Variants in NELL1 observed in about 807,000 individuals in gnomAD.
The protein encoded by NELL1 is neural EGFL like 1.
NELL1 carries 76 observed loss-of-function variants against 107.4 expected under a neutral mutation model. The observed-to-expected ratio is 0.71, with a 90% CI of 0.59 to 0.86. The LOEUF is 0.86. NELL1 is among the 40% of genes least tolerant of loss of function. The pLI is 0.00. For missense variants in NELL1, 1,024 were observed against 1,005.5 expected (o/e 1.02, Z -0.25); for synonymous variants, 353 against 341.2 (o/e 1.03, Z -0.38).
intron 12 of NELL1, among the ~76,000 whole-genome samples, chr11:21,091,758 G>T (rs1370322566): frequency 1.3e-5 from 2 of 152,082 alleles, no homozygotes; most frequent in African/African-American, 4.8e-5. Flanking sequence ...GACATCCCCT[G>T]TGTTTAAAAA....
At chr11:20,918,086 A>T in intron 5 of NELL1, 96 bp from the exon 6 acceptor site, 1 of 764,738 alleles carries the variant, frequency 1.3e-6, no homozygotes, top group Non-Finnish European at 2.3e-6. Context: ...ATTTTGTTGA[A>T]AAATAATCTG....
At chr11:21,556,938 G>C (rs1327707632) in intron 16 of NELL1, among the ~76,000 whole-genome samples, 3 of 151,800 alleles carry the variant, frequency 2.0e-5, no homozygotes, top group African/African-American at 7.3e-5. Context: ...TTTGTCATTG[G>C]GAGGCCTGTC....
chr11:21,494,042 T>A lies in NELL1; in HGVS notation c.1646-40332T>A, dbSNP rs995556800. Among the ~76,000 whole-genome samples the A allele has an allele frequency of 3.3e-5, 5 of 152,080 alleles. No individual in the cohort carries two copies. In the South Asian group the frequency reaches 1.0e-3, roughly 32 times the overall value. ...TTTTCATAACCAGTGTTTCTGTAGC[T>A]AAGCAATATATTTTCAGGTGTGTGA... is the stretch of plus-strand genomic sequence containing the variant. On this transcript the variant is annotated intron_variant, in intron 15 of 19. Coordinates refer to ENST00000357134, the MANE Select transcript of NELL1 (RefSeq NM_006157.5).
intron 3 of NELL1, among the ~76,000 whole-genome samples, chr11:20,819,718 A>T (rs1857708030): frequency 1.3e-5 from 2 of 152,236 alleles, no homozygotes; most frequent in South Asian, 4.1e-4. Flanking sequence ...TGGGTGGGTT[A>T]TATCTGGTTG....
chr11:20,930,657 A>G (rs927003222), intron 9 of NELL1, among the ~76,000 whole-genome samples: 2 of 152,316 alleles, frequency 1.3e-5, no homozygotes, highest in East Asian at 1.9e-4. Context: ...CTGGATACAT[A>G]CAGTTAAATT....
chr11:21,428,473 T>G (rs1852887449), intron 15 of NELL1, among the ~76,000 whole-genome samples: 1 of 152,226 alleles, frequency 6.6e-6, no homozygotes, highest in African/African-American at 2.4e-5. Context: ...TGGATTTGGT[T>G]ATTGACTGAT....
At chr11:21,060,708 C>T (rs9666310) in intron 12 of NELL1, among the ~76,000 whole-genome samples, 39,532 of 152,014 alleles carry the variant, frequency 0.26, 5,388 homozygotes, top group South Asian at 0.4. Flanking sequence ...TTTTTGATTT[C>T]GTTTTTGTTT....
intron 15 of NELL1, among the ~76,000 whole-genome samples, chr11:21,512,507 T>C (rs1855461625): frequency 6.6e-6 from 1 of 152,148 alleles, no homozygotes; most frequent in African/African-American, 2.4e-5. Context: ...TATATTGTAA[T>C]TATATATGTG....
At chr11:20,844,604 C>T (rs893402646) in intron 3 of NELL1, among the ~76,000 whole-genome samples, 1 of 152,142 alleles carries the variant, frequency 6.6e-6, no homozygotes, top group Non-Finnish European at 1.5e-5. Flanking sequence ...CCAGTGTCCT[C>T]CTTCTACCTG....
At chr11:21,002,989 A>G (rs1590526302) in intron 12 of NELL1, among the ~76,000 whole-genome samples, 2 of 147,670 alleles carry the variant, frequency 1.4e-5, no homozygotes, top group South Asian at 2.1e-4. Flanking sequence ...TAGAATTAAT[A>G]TTAAATTAAT....
intron 14 of NELL1, among the ~76,000 whole-genome samples, chr11:21,330,727 A>T (rs1850255556): frequency 6.6e-6 from 1 of 151,832 alleles, no homozygotes; most frequent in Non-Finnish European, 1.5e-5. Flanking sequence ...CTTACTTGGA[A>T]TTTTTTTGAG....
Position 21,207,865 on chromosome 11 carries a change from A to C in NELL1, c.1427-21467A>C, listed in dbSNP as rs146715073. Among the ~76,000 whole-genome samples the C allele has an allele frequency of 8.0e-3, 1,219 of 152,298 alleles. 15 individuals carry two copies. Among genetic ancestry groups the C allele is most frequent in the African/African-American group, 0.028 (1,144 of 41,560 alleles). ...AGCTTTGTCTTTTCCATTCAGTCTT[A>C]GATACATCTGGAATCCATTTTCTTT... On this transcript the variant is annotated intron_variant, in intron 13 of 19. Transcript: ENST00000357134.
chr11:21,050,362 A>C (rs930293839), intron 12 of NELL1, among the ~76,000 whole-genome samples: 2 of 152,006 alleles, frequency 1.3e-5, no homozygotes, highest in African/African-American at 4.8e-5. Flanking sequence ...AATAGAGATT[A>C]CTTAAAACTC....
chr11:20,967,415 A>G (rs796726067), intron 12 of NELL1, among the ~76,000 whole-genome samples: 43 of 152,258 alleles, frequency 2.8e-4, no homozygotes, highest in African/African-American at 9.9e-4. Flanking sequence ...TAGCACCACG[A>G]TCTTCATGTA....
At chr11:21,079,185 T>C (rs904137321) in intron 12 of NELL1, among the ~76,000 whole-genome samples, 1 of 152,008 alleles carries the variant, frequency 6.6e-6, no homozygotes, top group Non-Finnish European at 1.5e-5. Flanking sequence ...TTAATATTGA[T>C]GAAAGGTAAA....
intron 15 of NELL1, among the ~76,000 whole-genome samples, chr11:21,519,355 A>G (rs1855655536): frequency 6.6e-6 from 1 of 152,134 alleles, no homozygotes; most frequent in Non-Finnish European, 1.5e-5. Context: ...TACCCCCAGA[A>G]TTTCTAATTT....
chr11:21,429,855 G>A (rs1206407904), intron 15 of NELL1, among the ~76,000 whole-genome samples: 3 of 152,212 alleles, frequency 2.0e-5, no homozygotes. Flanking sequence ...AAACCTCAGA[G>A]GGACATCAGC....
chr11:20,985,218 C>G (rs967928850), intron 12 of NELL1, among the ~76,000 whole-genome samples: 1 of 151,960 alleles, frequency 6.6e-6, no homozygotes, highest in African/African-American at 2.4e-5. Flanking sequence ...TATGCAAGTA[C>G]AGTAAAGCAG....
In NELL1 at chr11:21,456,448, A is replaced by G. The variant is rs1251682859; in HGVS notation, c.1646-77926A>G. ...CCTCATTTCTCATCTCTTAGGGATC[A>G]CTATCATACACTGTCTGTTTTCTAT... is the stretch of plus-strand genomic sequence containing the variant. On this transcript the variant is annotated intron_variant, in intron 15 of 19. Transcript: ENST00000357134. 1.3e-5 allele frequency among the ~76,000 whole-genome samples: 2 copies of G among 152,034 alleles called. 1 individual carries two copies. The highest frequency in any genetic ancestry group is 2.9e-5 in the Non-Finnish European group (2 of 68,010).
Sources: allele counts gnomAD v4.1 joint callset (sites outside exome capture counted in the v4.1 genomes callset), GRCh38; gene constraint gnomAD v4.1.1; transcripts MANE v1.5; gene names NCBI Gene and HGNC (gene_info 2026-07-23, HGNC 2026-07-21).